Variants in RRAS2 observed in about 807,000 individuals in gnomAD.
The protein encoded by RRAS2 is ras-related protein R-Ras2.
In RRAS2, 7 loss-of-function variants were observed where a neutral mutation model predicts 27.6. That is an observed-to-expected ratio of 0.25 (90% CI 0.14 to 0.48). The LOEUF (loss-of-function observed/expected upper bound fraction) is 0.48, where lower values mean the gene tolerates loss of function less well. Among genes scored for constraint, RRAS2 ranks in the 20% least tolerant of loss-of-function variants. The probability of loss-of-function intolerance (pLI) is 0.99; values close to 1 mark genes in which losing one functional copy is unlikely to be tolerated. For missense variants in RRAS2, 178 were observed against 256.2 expected (o/e 0.69, Z 2.08); for synonymous variants, 86 against 90.9 (o/e 0.95, Z 0.31).
At chr11:14,293,981 G>C (rs1029215705) in intron 4 of RRAS2, among the ~76,000 whole-genome samples, 33 of 152,180 alleles carry the variant, frequency 2.2e-4, no homozygotes, top group African/African-American at 8.0e-4. Flanking sequence ...TGAAGTGTTA[G>C]AGCTAGCCAA....
chr11:14,354,558 T>TA (rs1367771235), intron 1 of RRAS2: 9 of 151,742 alleles, frequency 5.9e-5, no homozygotes, highest in African/African-American at 2.2e-4. Flanking sequence ...AATGAAGACT[T>TA]AAAGTAATAG....
chr11:14,349,818 AGTT>A (rs1428539691), intron 1 of RRAS2, among the ~76,000 whole-genome samples: 2 of 152,314 alleles, frequency 1.3e-5, no homozygotes, highest in Non-Finnish European at 2.9e-5. Flanking sequence ...CCTTCAGTGT[AGTT>A]AAGTTACTCA....
chr11:14,301,110 C>T (rs1214963865), intron 1 of RRAS2, among the ~76,000 whole-genome samples: 4 of 152,074 alleles, frequency 2.6e-5, no homozygotes, highest in African/African-American at 9.7e-5. Context: ...TCTCTAAAAC[C>T]ATAGGGTATA....
upstream of RRAS2, among the ~76,000 whole-genome samples, chr11:14,360,061 G>C (rs1849167871): frequency 1.3e-5 from 2 of 152,264 alleles, no homozygotes; most frequent in South Asian, 4.1e-4. Flanking sequence ...AGGCCATGCA[G>C]CTGTTCTCTT....
At chr11:14,302,073 T>TACACACACACACACACACAC (rs57730782) in intron 1 of RRAS2, among the ~76,000 whole-genome samples, 2,043 of 142,402 alleles carry the variant, frequency 0.014, 55 homozygotes, top group East Asian at 0.026. Context: ...ACCACACACA[T>TACACACACACACACACACAC]ACACACACAC....
At chr11:14,301,984 A>C (rs1847718744) in intron 1 of RRAS2, among the ~76,000 whole-genome samples, 1 of 151,876 alleles carries the variant, frequency 6.6e-6, no homozygotes, top group East Asian at 1.9e-4. Flanking sequence ...CTCTTTCAAA[A>C]ATTAAAATAA....
chr11:14,360,292 G>A (rs1414679208), upstream of RRAS2, among the ~76,000 whole-genome samples: 3 of 151,762 alleles, frequency 2.0e-5, no homozygotes, highest in African/African-American at 4.8e-5. Context: ...CAGCCTAATC[G>A]AGCCTTCCAA....
At chr11:14,361,181 G>A (rs782120868), upstream of RRAS2, among the ~76,000 whole-genome samples, 4 of 152,308 alleles carry the variant, frequency 2.6e-5, no homozygotes, top group South Asian at 2.1e-4. Context: ...CAGCCACTCC[G>A]GAGGCTGAGG....
Position 14,358,189 on chromosome 11 carries a change from C to A in RRAS2, c.108+574G>T. ...CCGGGGCATTATCACACACTCCCAC[C>A]CGGACATATTACCTAAGAGAGTACT... On this transcript the variant is annotated intron_variant, in intron 1 of 5. Coordinates refer to ENST00000256196, the MANE Select transcript of RRAS2 (RefSeq NM_012250.6). This position sits in a 1 kb window ranked among gnomAD's most constrained non-coding sequence, Gnocchi z 5.1. 1.0e-6 allele frequency: 1 copy of A among 980,704 alleles called. No individual in the cohort carries two copies. The highest frequency in any genetic ancestry group is 1.2e-6 in the Non-Finnish European group (1 of 825,584). The allele number at this position is 980,704 out of a possible 1,614,324, so 60.8% of individuals were successfully genotyped here.
At chr11:14,363,612 T>C, upstream of RRAS2, among the ~76,000 whole-genome samples, 1 of 150,772 alleles carries the variant, frequency 6.6e-6, no homozygotes, top group East Asian at 1.9e-4. Context: ...CTACTAAAAG[T>C]ACAAAAAAAT....
chr11:14,284,480 T>A (rs931345082), intron 4 of RRAS2, among the ~76,000 whole-genome samples: 6 of 152,204 alleles, frequency 3.9e-5, no homozygotes, highest in Admixed American at 3.9e-4. Flanking sequence ...TGTTGTTGGG[T>A]AAAGGGTACA....
chr11:14,323,836 C>T (rs1848283056), intron 1 of RRAS2, among the ~76,000 whole-genome samples: 1 of 151,948 alleles, frequency 6.6e-6, no homozygotes, highest in Non-Finnish European at 1.5e-5. Flanking sequence ...TAAAAATATA[C>T]ATTATGACCA....
In RRAS2 at chr11:14,278,850, C is replaced by T. The variant is rs1486576378; in HGVS notation, c.*487G>A. 6.5e-6 allele frequency: 1 copy of T among 154,462 alleles called. No individual in the cohort carries two copies. Among genetic ancestry groups the T allele is most frequent in the African/African-American group, 2.4e-5 (1 of 41,406 alleles). The allele number at this position is 154,462 out of a possible 1,614,324, so 9.6% of individuals were successfully genotyped here. A position where few individuals can be genotyped will look rare whatever the true frequency, so the allele number is the denominator to read the frequency against. ...ATCAGTAAAGGTCTGAGATGGTTCA[C>T]TTTTGTAGATTCAATTCAGTGTATT... On this transcript the variant is annotated 3_prime_UTR_variant, in exon 6 of 6. Coordinates refer to ENST00000256196, the MANE Select transcript of RRAS2 (RefSeq NM_012250.6).
At chr11:14,351,662 G>A (rs1848955311) in intron 1 of RRAS2, among the ~76,000 whole-genome samples, 1 of 151,850 alleles carries the variant, frequency 6.6e-6, no homozygotes, top group South Asian at 2.1e-4. Flanking sequence ...CCCGGGAGGT[G>A]GAGGTTGCAG....
At chr11:14,300,444 A>G (rs1396863019) in intron 1 of RRAS2, among the ~76,000 whole-genome samples, 3 of 152,092 alleles carry the variant, frequency 2.0e-5, no homozygotes, top group Non-Finnish European at 4.4e-5. Flanking sequence ...GCACGCGCCT[A>G]TAGTCCCAGC....
At chr11:14,340,390 C>G (rs1320766002) in intron 1 of RRAS2, among the ~76,000 whole-genome samples, 1 of 151,756 alleles carries the variant, frequency 6.6e-6, no homozygotes, top group African/African-American at 2.4e-5. Context: ...AGTGAGCCAC[C>G]GCACTCAGCC....
chr11:14,282,031 C>G (rs556337419), intron 4 of RRAS2, among the ~76,000 whole-genome samples: 2 of 152,258 alleles, frequency 1.3e-5, no homozygotes, highest in South Asian at 2.1e-4. Context: ...GTATACAACC[C>G]TGTCAGGGAG....
chr11:14,312,018 C>T (rs1847983202), intron 1 of RRAS2, among the ~76,000 whole-genome samples: 1 of 151,956 alleles, frequency 6.6e-6, no homozygotes. Context: ...GCACCTGCCA[C>T]CACACCTGGC....
In RRAS2 at chr11:14,321,486, CTTGTGTT is replaced by C. The variant is rs538353861; in HGVS notation, c.109-25638_109-25632del. 1.2e-4 allele frequency among the ~76,000 whole-genome samples: 19 copies of C among 152,222 alleles called. No individual in the cohort carries two copies. The South Asian group carries it at 3.9e-3, about 32-fold the overall frequency. ...ACATTTGTTATTATTTTTGCCATGT[CTTGTGTT>C]TTGTGTTTGATCATCCAGGAGCAAG... On this transcript the variant is annotated intron_variant, in intron 1 of 5. Transcript: ENST00000256196.
Sources: gnomAD v4.1 joint callset for allele counts (sites outside exome capture counted in the v4.1 genomes callset) on GRCh38, gnomAD v4.1.1 for gene constraint, Gnocchi (gnomAD v3.1) non-coding constraint, MANE v1.5 for transcripts, NCBI Gene and HGNC (gene_info 2026-07-23, HGNC 2026-07-21) for gene names.